RBFOX1: variants seen among roughly 807,000 people sequenced by gnomAD.
RBFOX1 encodes RNA binding protein fox-1 homolog 1.
Under a neutral mutation model 57.7 loss-of-function variants are expected in RBFOX1, and 8 were observed. The observed-to-expected ratio is 0.14, with a 90% CI of 0.08 to 0.25. RBFOX1 has a LOEUF of 0.25. Among genes scored for constraint, RBFOX1 ranks in the 10% least tolerant of loss-of-function variants. The probability of loss-of-function intolerance (pLI) is 1.00; values close to 1 mark genes in which losing one functional copy is unlikely to be tolerated. For missense variants in RBFOX1, 611 were observed against 548.5 expected (o/e 1.11, Z -1.14); for synonymous variants, 326 against 222.4 (o/e 1.47, Z -4.15).
chr16:6,955,174 G>C (rs2081515021), intron 3 of RBFOX1, among the ~76,000 whole-genome samples: 1 of 152,074 alleles, frequency 6.6e-6, no homozygotes, highest in Non-Finnish European at 1.5e-5. Flanking sequence ...CTGGGACTGA[G>C]ATGTTTCAGT....
At chr16:6,759,473 CTGTG>C (rs71145287) in intron 3 of RBFOX1, among the ~76,000 whole-genome samples, 32,809 of 142,788 alleles carry the variant, frequency 0.23, 4,191 homozygotes, top group Admixed American at 0.3. Context: ...TGTCAGTTGT[CTGTG>C]TGTGTGTGTG....
chr16:6,120,759 G>C (rs1029312324), intron 1 of RBFOX1, among the ~76,000 whole-genome samples: 6 of 152,118 alleles, frequency 3.9e-5, no homozygotes, highest in African/African-American at 1.4e-4. Context: ...TAGCAACTCA[G>C]ATCTGTCCCT....
chr16:5,827,525 C>G (rs559871912), intron 3 of RBFOX1, among the ~76,000 whole-genome samples: 6 of 152,140 alleles, frequency 3.9e-5, no homozygotes, highest in Non-Finnish European at 7.4e-5. Flanking sequence ...CATCAAGACT[C>G]CGCAAGATTT....
chr16:6,920,379 T>G (rs1812463), intron 3 of RBFOX1, among the ~76,000 whole-genome samples: 1 of 151,978 alleles, frequency 6.6e-6, no homozygotes, highest in Admixed American at 6.6e-5. Context: ...CTCTTCTGCA[T>G]GAAACCAGAG....
At chr16:6,656,902 AC>A (rs2098658565) in intron 3 of RBFOX1, among the ~76,000 whole-genome samples, 3 of 44,644 alleles carry the variant, frequency 6.7e-5, no homozygotes, top group African/African-American at 3.0e-4. Flanking sequence ...CCTCCCCTCA[AC>A]TCTCCTCTCC....
chr16:6,016,835 G>A (rs930438003), upstream of RBFOX1, among the ~76,000 whole-genome samples: 1 of 152,146 alleles, frequency 6.6e-6, no homozygotes, highest in South Asian at 2.1e-4. Flanking sequence ...CTTGGAATGC[G>A]AAAGGTCATT....
chr16:6,965,093 G>C (rs1001543560), intron 3 of RBFOX1, among the ~76,000 whole-genome samples: 4 of 151,972 alleles, frequency 2.6e-5, no homozygotes, highest in African/African-American at 9.7e-5. Flanking sequence ...CTTCTTCCTA[G>C]GTCATGAGGT....
intron 3 of RBFOX1, among the ~76,000 whole-genome samples, chr16:5,785,060 T>A (rs1027414989): frequency 1.3e-5 from 2 of 152,210 alleles, no homozygotes; most frequent in Non-Finnish European, 2.9e-5. Flanking sequence ...CATCCAGTGT[T>A]GTGTAGATAG....
intron 4 of RBFOX1, among the ~76,000 whole-genome samples, chr16:7,182,044 A>T (rs1209425227): frequency 6.6e-6 from 1 of 152,240 alleles, no homozygotes; most frequent in African/African-American, 2.4e-5. Context: ...TCACTGAAAG[A>T]TAATAATCTT....
chr16:6,928,532 G>A (rs940485534), intron 3 of RBFOX1, among the ~76,000 whole-genome samples: 1 of 152,136 alleles, frequency 6.6e-6, no homozygotes, highest in Non-Finnish European at 1.5e-5. Flanking sequence ...TTCTCTAATC[G>A]TTTTATCCAG....
chr16:7,697,629 A>G (rs2079206745), intron 14 of RBFOX1, among the ~76,000 whole-genome samples: 1 of 152,132 alleles, frequency 6.6e-6, no homozygotes, highest in South Asian at 2.1e-4. Flanking sequence ...TGAAAAAAAC[A>G]TACACTCAGG....
chr16:5,559,167 A>C (rs1202758319), intron 2 of RBFOX1, among the ~76,000 whole-genome samples: 32 of 42,350 alleles, frequency 7.6e-4, no homozygotes, highest in African/African-American at 4.3e-3. Flanking sequence ...CCCCCAGGCA[A>C]AAAAAAAAAA....
At chr16:7,024,457 A>G (rs1173689322) in intron 3 of RBFOX1, among the ~76,000 whole-genome samples, 1 of 152,210 alleles carries the variant, frequency 6.6e-6, no homozygotes, top group African/African-American at 2.4e-5. Flanking sequence ...ATGAATTTAT[A>G]ATCCATAGCT....
intron 1 of RBFOX1, among the ~76,000 whole-genome samples, chr16:6,298,708 C>G (rs1016356269): frequency 2.6e-5 from 4 of 152,070 alleles, no homozygotes; most frequent in East Asian, 1.9e-4. Context: ...AAGCAGTGTT[C>G]GAGAATGACA....
chr16:5,548,604 C>T (rs1210838614), intron 2 of RBFOX1, among the ~76,000 whole-genome samples: 1 of 151,998 alleles, frequency 6.6e-6, no homozygotes, highest in Admixed American at 6.6e-5. Context: ...TGTATCAAAA[C>T]ATCTCATCTA....
intron 4 of RBFOX1, among the ~76,000 whole-genome samples, chr16:7,517,272 G>A (rs962342996): frequency 7.3e-5 from 11 of 151,582 alleles, no homozygotes; most frequent in African/African-American, 2.7e-4. Flanking sequence ...TTTGTTGTGT[G>A]TGTTTTTAAA....
chr16:5,916,037 C>G (rs1026895554), intron 4 of RBFOX1, among the ~76,000 whole-genome samples: 2 of 152,048 alleles, frequency 1.3e-5, no homozygotes, highest in East Asian at 3.9e-4. Flanking sequence ...AATGCCTGTC[C>G]CCTGGTAGCT....
Position 7,047,134 on chromosome 16 carries a change from ACCATTT to A in RBFOX1, c.-15-4913_-15-4908del, listed in dbSNP as rs535653326. Among the ~76,000 whole-genome samples the A allele has an allele frequency of 1.8e-3, 277 of 149,844 alleles. 2 individuals are homozygous for A. The highest frequency in any genetic ancestry group is 6.2e-3 in the African/African-American group (253 of 40,800). ...CCTATTAACATTTACTCATATGTTT[ACCATTT>A]CCATTTCCAGCTCTTCCTTTCTTGT... On this transcript the variant is annotated intron_variant, in intron 3 of 15. Coordinates refer to ENST00000550418, the MANE Select transcript of RBFOX1 (RefSeq NM_018723.4).
chr16:6,782,776 CTT>C (rs1248717299), intron 3 of RBFOX1, among the ~76,000 whole-genome samples: 1 of 152,114 alleles, frequency 6.6e-6, no homozygotes, highest in Non-Finnish European at 1.5e-5. Context: ...TCAGATGTGT[CTT>C]TGTTAATTTT....
Sources: gnomAD v4.1 joint callset for allele counts (sites outside exome capture counted in the v4.1 genomes callset) on GRCh38, gnomAD v4.1.1 for gene constraint, MANE v1.5 for transcripts, NCBI Gene and HGNC (gene_info 2026-07-23, HGNC 2026-07-21) for gene names.